Variants in CC2D1A observed in about 807,000 individuals in gnomAD.
The protein encoded by CC2D1A is coiled-coil and C2 domain-containing protein 1A.
A neutral mutation model predicts 123.8 loss-of-function variants in CC2D1A; 68 were observed. The observed-to-expected ratio is 0.55, with a 90% CI of 0.45 to 0.67. The LOEUF (loss-of-function observed/expected upper bound fraction) is 0.67, where lower values mean the gene tolerates loss of function less well. Ranked by LOEUF, CC2D1A falls within the 30% of genes least tolerant of loss-of-function variation. CC2D1A has a pLI of 0.00. For synonymous variants in CC2D1A, 477 were observed against 528.0 expected (o/e 0.90, Z 1.32); for missense variants, 1,185 against 1,290.3 (o/e 0.92, Z 1.25).
chr19:13,910,894 G>A (rs886228783), intron 2 of CC2D1A, among the ~76,000 whole-genome samples: 3 of 152,076 alleles, frequency 2.0e-5, no homozygotes, highest in Non-Finnish European at 4.4e-5. Flanking sequence ...CTGGGTGACA[G>A]AGCAAGATCC....
chr19:13,923,418 A>AT lies in CC2D1A; in HGVS notation c.1728dup (p.Gly577TrpfsTer2), dbSNP rs751733809. 6.2e-7 allele frequency: 1 copy of AT among 1,613,856 alleles called. No homozygotes were observed. Among genetic ancestry groups the AT allele is most frequent in the Non-Finnish European group, 8.5e-7 (1 of 1,180,002 alleles). Reference sequence around the variant, plus strand: ...CTGTCTCAGGAGGCCGCCCGGCGCTATGGTGAACTCACCAAGCTCATACGG... The same window carrying AT: ...CTGTCTCAGGAGGCCGCCCGGCGCTATTGGTGAACTCACCAAGCTCATACGG... On this transcript the variant is annotated frameshift_variant, in exon 15 of 29. Transcript: ENST00000318003. LOFTEE classifies it high-confidence loss of function. This position sits in a 1 kb window ranked among gnomAD's most constrained non-coding sequence, Gnocchi z 5.3.
In CC2D1A at chr19:13,918,170, C is replaced by A; in HGVS notation, c.849C>A (p.Ala283=). Residue 283 remains alanine (A), a synonymous_variant, in exon 7 of 29, where the codon GCC becomes GCA. Coordinates refer to ENST00000318003, the MANE Select transcript of CC2D1A (RefSeq NM_017721.5). ...AGCAGCAGGGAGATACCACTGCTGCCGCTAGACACTTCCGCGTGGCTAAGG... is the reference window on the plus strand; with the variant it reads ...AGCAGCAGGGAGATACCACTGCTGCAGCTAGACACTTCCGCGTGGCTAAGG... ...HAKQQGDTTA[A]ARHFRVAKSF... 6.2e-7 allele frequency: 1 copy of A among 1,603,164 alleles called. No individual in the cohort carries two copies.
intron 24 of CC2D1A, among the ~76,000 whole-genome samples, chr19:13,928,812 G>A (rs567193855): frequency 1.0e-3 from 150 of 149,698 alleles, no homozygotes; most frequent in Non-Finnish European, 1.5e-3. Context: ...GGGTTCAAGC[G>A]ATTCTCCTGC....
At chr19:13,911,792 C>A (rs1046582662) in intron 2 of CC2D1A, among the ~76,000 whole-genome samples, 1 of 150,338 alleles carries the variant, frequency 6.7e-6, no homozygotes, top group Non-Finnish European at 1.5e-5. Flanking sequence ...CTTGGCTCAC[C>A]GCAAGCTCCG....
At chr19:13,909,652 ATC>A (rs772563033) in intron 1 of CC2D1A, 169 bp from the exon 2 acceptor site, 1 of 830,766 alleles carries the variant, frequency 1.2e-6, no homozygotes, top group Non-Finnish European at 2.1e-6. Flanking sequence ...GGCCTGGCCT[ATC>A]TTGGAACACC....
Position 13,929,370 on chromosome 19 carries a change from A to G in CC2D1A, c.2520-9A>G, listed in dbSNP as rs1241626485. 6.2e-7 allele frequency: 1 copy of G among 1,612,128 alleles called. No individual in the cohort carries two copies. Among genetic ancestry groups the G allele is most frequent in the East Asian group, 2.2e-5 (1 of 44,756 alleles). On this transcript the variant is annotated splice_polypyrimidine_tract_variant and intron_variant, in intron 24 of 28. Transcript: ENST00000318003. ...CTCTGCAGTCCCTTATCCTTCCTCC[A>G]CCCCTTAGATCAGCCCGGCCCCTGC...
At position 13,923,021 on chromosome 19, in the gene CC2D1A, T is replaced by G. The variant is rs1487870219; in HGVS notation, c.1642-312T>G. Among the ~76,000 whole-genome samples, 1 of 152,038 alleles carries G rather than the reference T, an allele frequency of 6.6e-6. No individual in the cohort carries two copies. On this transcript the variant is annotated intron_variant, in intron 14 of 28. Transcript: ENST00000318003. The surrounding 1 kb of genome is among the most constrained non-coding windows in gnomAD (Gnocchi z 5.3). ...CAGTCTGGCCAACATGGTGAAACCC[T>G]GTCTCTACTAAAAATACAAAAATTA... is the stretch of plus-strand genomic sequence containing the variant.
At position 13,918,147 on chromosome 19, in the gene CC2D1A, C is replaced by A; in HGVS notation, c.826C>A (p.Gln276Lys). ...CAAGCTGGCTGCCCTCCACGCCAAG[C>A]AGCAGGGAGATACCACTGCTGCCGC... ...DYKLAALHAK[Q>K]QGDTTAAARH... The change falls in exon 7 of 29, where the codon CAG (glutamine) becomes AAG (lysine). Residue 276 changes from glutamine to lysine, a missense_variant. By Grantham distance (53) the Gln-to-Lys change is moderately conservative. Coordinates refer to ENST00000318003, the MANE Select transcript of CC2D1A (RefSeq NM_017721.5). The A allele has an allele frequency of 6.2e-7, 1 of 1,609,682 alleles. No homozygotes were observed.
At chr19:13,917,927 C>T (rs760270726) in intron 6 of CC2D1A, 143 bp from the exon 7 acceptor site, 44 of 793,052 alleles carry the variant, frequency 5.5e-5, no homozygotes, top group South Asian at 3.9e-4. Context: ...GCTGAGATTG[C>T]GCCACTGTAC....
Position 13,920,870 on chromosome 19 carries a change from T to C in CC2D1A, c.1589T>C (p.Leu530Pro). The part of the protein sequence containing the change: ...AKMHLRQAKG[L>P]EPMLEASRNG... ...ATGCACCTGCGCCAAGCCAAGGGAC[T>C]GGAGCCTATGCTGGAGGCCTCGCGC... Residue 530 changes from leucine (L) to proline (P), a missense_variant, in exon 14 of 29, where the codon CTG (leucine) becomes CCG (proline). By Grantham distance (98) the Leu-to-Pro change is moderately conservative. Transcript: ENST00000318003. 6.2e-7 allele frequency: 1 copy of C among 1,614,114 alleles called. No individual in the cohort carries two copies. Among genetic ancestry groups the C allele is most frequent in the Non-Finnish European group, 8.5e-7 (1 of 1,180,030 alleles).
chr19:13,918,293 C>T, intron 7 of CC2D1A, 99 bp downstream of exon 7: 1 of 1,364,594 alleles, frequency 7.3e-7, no homozygotes, highest in Non-Finnish European at 9.8e-7. Context: ...AGCTTGGTCA[C>T]TCCCTAGCAA....
chr19:13,930,526 G>GC lies in CC2D1A; in HGVS notation c.*136dup. The GC allele has an allele frequency of 1.9e-6, 2 of 1,067,170 alleles. No homozygotes were observed. Among genetic ancestry groups the GC allele is most frequent in the Non-Finnish European group, 2.6e-6 (2 of 761,614 alleles). The allele number at this position is 1,067,170 out of a possible 1,614,324, so 66.1% of individuals were successfully genotyped here. On this transcript the variant is annotated 3_prime_UTR_variant, in exon 29 of 29. Transcript: ENST00000318003. This position sits in a 1 kb window ranked among gnomAD's most constrained non-coding sequence, Gnocchi z 6.8. ...GGTTCTGGACTCACCCCTCATCCGG[G>GC]CCCCCAGCCCCGCCAGAGCCTCCGT... is the stretch of plus-strand genomic sequence containing the variant.
rs996322904 is a variant in CC2D1A, at chr19:13,923,055, T to C, written c.1642-278T>C. On this transcript the variant is annotated intron_variant, in intron 14 of 28. Transcript: ENST00000318003. This position sits in a 1 kb window ranked among gnomAD's most constrained non-coding sequence, Gnocchi z 5.3. ...TAAAAATACAAAAATTAGCCAGGTG[T>C]GGTGGCAGGCGCCTGTAATTCCAGC... 1.3e-5 allele frequency among the ~76,000 whole-genome samples: 2 copies of C among 152,014 alleles called. No individual in the cohort carries two copies. The highest frequency in any genetic ancestry group is 1.5e-5 in the Non-Finnish European group (1 of 68,004).
rs1971352702 is a variant in CC2D1A, at chr19:13,919,968, CG to C, written c.1356+20del. The C allele has an allele frequency of 6.2e-7, 1 of 1,605,094 alleles. No individual in the cohort carries two copies. Among genetic ancestry groups the C allele is most frequent in the African/African-American group, 1.3e-5 (1 of 74,546 alleles). On this transcript the variant is annotated intron_variant, in intron 12 of 28. Transcript: ENST00000318003. ...CCTAAGAAGGTTTGAGGGTTGGGGC[CG>C]GGCGCAGTGGCTCACACCTGTAGTC...
chr19:13,919,902 C>T lies in CC2D1A; in HGVS notation c.1307C>T (p.Ala436Val), dbSNP rs1483042459. ...GTCCTGGAGACTGCCATGAAGCTGGCCAACCAGGATGAAGGCCCAGAGGAT... is the reference window on the plus strand; with the variant it reads ...GTCCTGGAGACTGCCATGAAGCTGGTCAACCAGGATGAAGGCCCAGAGGAT... ...VGVLETAMKL[A>V]NQDEGPEDEE... The change falls in exon 12 of 29, where the codon GCC (alanine) becomes GTC (valine). Residue 436 changes from alanine to valine, a missense_variant. By Grantham distance (64) the Ala-to-Val change is moderately conservative. Transcript: ENST00000318003. 5 of 1,613,104 alleles carry T rather than the reference C, an allele frequency of 3.1e-6. No homozygotes were observed. Among genetic ancestry groups the T allele is most frequent in the Non-Finnish European group, 4.2e-6 (5 of 1,179,842 alleles).
intron 17 of CC2D1A, among the ~76,000 whole-genome samples, chr19:13,925,208 G>A (rs1419457654): frequency 6.6e-6 from 1 of 152,158 alleles, no homozygotes; most frequent in Non-Finnish European, 1.5e-5. Flanking sequence ...CAGCTAGATT[G>A]AGCACAGGGT....
At position 13,906,291 on chromosome 19, in the gene CC2D1A, C is replaced by A; in HGVS notation, c.-151C>A. 1 of 555,614 alleles carries A rather than the reference C, an allele frequency of 1.8e-6. No homozygotes were observed. The highest frequency in any genetic ancestry group is 4.3e-5 in the Admixed American group (1 of 22,996). The allele number at this position is 555,614 out of a possible 1,614,324, so 34.4% of individuals were successfully genotyped here. A position where few individuals can be genotyped will look rare whatever the true frequency, so the allele number is the denominator to read the frequency against. ...CCGAGGCGGAAGTGGGACGGCCAAG[C>A]AGGGAAGCGAGGGCTCGGGATCGAC... On this transcript the variant is annotated 5_prime_UTR_variant, in exon 1 of 29. Transcript: ENST00000318003. The surrounding 1 kb of genome is among the most constrained non-coding windows in gnomAD (Gnocchi z 4.1).
rs777635204 is a variant in CC2D1A, at chr19:13,920,780, G to T, written c.1499G>T (p.Arg500Leu). 1 of 1,613,826 alleles carries T rather than the reference G, an allele frequency of 6.2e-7. No homozygotes were observed. Among genetic ancestry groups the T allele is most frequent in the South Asian group, 1.1e-5 (1 of 91,060 alleles). The part of the protein sequence containing the change: ...AQQQLAFLEG[R>L]KKQLLQAALR... ...CAGCAGCTGGCCTTCCTAGAGGGCC[G>T]CAAGAAGCAGCTCCTGCAGGCCGCA... The change falls in exon 14 of 29, where the codon CGC (arginine) becomes CTC (leucine). Residue 500 changes from arginine to leucine, a missense_variant. Physicochemically the swap from Arg to Leu is moderately radical, Grantham distance 102. Coordinates refer to ENST00000318003, the MANE Select transcript of CC2D1A (RefSeq NM_017721.5).
At position 13,919,173 on chromosome 19, in the gene CC2D1A, T is replaced by A. The variant is rs766021396; in HGVS notation, c.1193T>A (p.Val398Glu). The A allele has an allele frequency of 6.2e-7, 1 of 1,612,928 alleles. No homozygotes were observed. Among genetic ancestry groups the A allele is most frequent in the South Asian group, 1.1e-5 (1 of 91,074 alleles). Residue 398 changes from valine to glutamate, a missense_variant, in exon 11 of 29, where the codon GTG becomes GAG. Physicochemically the swap from Val to Glu is moderately radical, Grantham distance 121. Transcript: ENST00000318003. Reference sequence around the variant, plus strand: ...CGAGCCCACAAGGCTGGCCGAGCCGTGGATGTCGCTGAATTGCCCGTGCCC... The same window carrying A: ...CGAGCCCACAAGGCTGGCCGAGCCGAGGATGTCGCTGAATTGCCCGTGCCC... ...AIRAHKAGRA[V>E]DVAELPVPPG... is the part of the protein sequence containing the mutation.
Sources: allele counts gnomAD v4.1 joint callset (sites outside exome capture counted in the v4.1 genomes callset), GRCh38; gene constraint gnomAD v4.1.1; non-coding constraint Gnocchi (gnomAD v3.1); transcripts MANE v1.5; gene names NCBI Gene and HGNC (gene_info 2026-07-23, HGNC 2026-07-21).